CNTNAP2: variants seen among roughly 807,000 people sequenced by gnomAD.
The protein encoded by CNTNAP2 is contactin associated protein 2.
In CNTNAP2, 98 loss-of-function variants were observed where a neutral mutation model predicts 155.2. That is an observed-to-expected ratio of 0.63 (90% confidence interval 0.54 to 0.75). The LOEUF (loss-of-function observed/expected upper bound fraction) is 0.75, where lower values mean the gene tolerates loss of function less well. CNTNAP2 is among the 30% of genes least tolerant of loss of function. CNTNAP2 has a pLI of 0.00. For missense variants in CNTNAP2, 1,727 were observed against 1,688.1 expected, an observed-to-expected ratio of 1.02 and a Z score of -0.40; for synonymous variants, 651 against 631.2, an observed-to-expected ratio of 1.03 and a Z score of -0.47.
intron 21 of CNTNAP2, among the ~76,000 whole-genome samples, chr7:148,315,785 T>C (rs974844046): frequency 2.6e-5 from 4 of 152,232 alleles, no homozygotes; most frequent in Non-Finnish European, 5.9e-5. Flanking sequence ...TTTTCATAAA[T>C]GTGCTTGGGT....
chr7:147,014,423 A>C (rs1798682668), intron 3 of CNTNAP2, among the ~76,000 whole-genome samples: 3 of 152,168 alleles, frequency 2.0e-5, no homozygotes, highest in Non-Finnish European at 4.4e-5. Flanking sequence ...ACGTTTTATC[A>C]GTAACCATGG....
rs536735380 is a variant in CNTNAP2, at chr7:146,871,113, C to G, written c.402+31209C>G. On this transcript the variant is annotated intron_variant, in intron 3 of 23. Coordinates refer to ENST00000361727, the MANE Select transcript of CNTNAP2 (RefSeq NM_014141.6). ...CAATGGGACACATCTACCAGCAAAG[C>G]ATTTCAGGAGTGATTTTATGTATAT... 1.8e-4 allele frequency among the ~76,000 whole-genome samples: 28 copies of G among 152,312 alleles called. No homozygotes were observed. The South Asian group carries it at 5.6e-3, about 30-fold the overall frequency.
chr7:146,271,797 A>G (rs1800086588), intron 1 of CNTNAP2, among the ~76,000 whole-genome samples: 1 of 152,104 alleles, frequency 6.6e-6, no homozygotes, highest in African/African-American at 2.4e-5. Flanking sequence ...AACCATGTTT[A>G]TTCAGATTTA....
rs73741710 is a variant in CNTNAP2 at position 146,479,331 on chromosome 7, G to A, written c.98-294940G>A. On this transcript the variant is annotated intron_variant, in intron 1 of 23. Transcript: ENST00000361727. ...ATAAACACATCTCTTAAATTCATCA[G>A]GAAAAAGGTTTAGTGGAGGCAGTTC... is the stretch of plus-strand genomic sequence containing the variant. 8.1e-3 allele frequency among the ~76,000 whole-genome samples: 1,228 copies of A among 152,146 alleles called. 20 individuals are homozygous for A. Among genetic ancestry groups the A allele is most frequent in the African/African-American group, 0.028 (1,153 of 41,514 alleles).
chr7:146,159,305 A>G (rs4427084), intron 1 of CNTNAP2, among the ~76,000 whole-genome samples: 42,354 of 151,950 alleles, frequency 0.28, 6,543 homozygotes, highest in African/African-American at 0.42. Context: ...TGTAAAGACC[A>G]TCAATGCTAG....
chr7:147,047,606 T>G (rs1359894249), intron 4 of CNTNAP2, among the ~76,000 whole-genome samples: 1 of 152,218 alleles, frequency 6.6e-6, no homozygotes, highest in Non-Finnish European at 1.5e-5. Flanking sequence ...AGGTGACATT[T>G]TTTTAACAAT....
chr7:147,018,898 C>T (rs1024677), intron 3 of CNTNAP2, among the ~76,000 whole-genome samples: 1 of 151,912 alleles, frequency 6.6e-6, no homozygotes, highest in African/African-American at 2.4e-5. Flanking sequence ...CAATTAAGGG[C>T]AGAATCAGAA....
intron 3 of CNTNAP2, among the ~76,000 whole-genome samples, chr7:146,913,224 T>G (rs942258689): frequency 6.6e-6 from 1 of 152,100 alleles, no homozygotes; most frequent in African/African-American, 2.4e-5. Flanking sequence ...TACTAGTAGT[T>G]GGCCAGGTTA....
At chr7:147,439,770 G>A (rs1420770017) in intron 10 of CNTNAP2, among the ~76,000 whole-genome samples, 1 of 151,786 alleles carries the variant, frequency 6.6e-6, no homozygotes, top group Admixed American at 6.6e-5. Flanking sequence ...TCCAATGTTG[G>A]GTGCATATAT....
intron 4 of CNTNAP2, among the ~76,000 whole-genome samples, chr7:147,072,683 C>G (rs144019734): frequency 8.3e-4 from 127 of 152,134 alleles, no homozygotes; most frequent in Admixed American, 2.5e-3. Context: ...GGAAATGCCT[C>G]CCATGTGTCA....
intron 14 of CNTNAP2, among the ~76,000 whole-genome samples, chr7:147,917,090 A>G (rs73462159): frequency 0.025 from 3,745 of 152,292 alleles, 166 homozygotes; most frequent in African/African-American, 0.086. Flanking sequence ...ATCTTCCAAA[A>G]TAACTTCCAG....
At chr7:146,517,576 A>T (rs1363515000) in intron 1 of CNTNAP2, among the ~76,000 whole-genome samples, 1 of 151,966 alleles carries the variant, frequency 6.6e-6, no homozygotes, top group Non-Finnish European at 1.5e-5. Flanking sequence ...GGAGAGACTC[A>T]GGGACTTGTT....
intron 2 of CNTNAP2, among the ~76,000 whole-genome samples, chr7:146,795,544 A>G (rs576083697): frequency 1.3e-5 from 2 of 152,334 alleles, no homozygotes; most frequent in South Asian, 4.1e-4. Context: ...CTCAGATCCC[A>G]CAGGGAAGCT....
rs1800051537 is a variant in CNTNAP2 at position 148,418,856 on chromosome 7, A to G, written c.*3240A>G. 1.3e-5 allele frequency: 2 copies of G among 152,236 alleles called. No individual in the cohort carries two copies. The highest frequency in any genetic ancestry group is 4.8e-5 in the African/African-American group (2 of 41,470). 9.4% of individuals were successfully genotyped at this position (152,236 alleles called of 1,614,324 possible). A position where few individuals can be genotyped will look rare whatever the true frequency, so the allele number is the denominator to read the frequency against. ...TTTGACAAACAAGCATCCTTTACTAACAAGAGCAGGAATTCAGAGGCACAA... is the reference window on the plus strand; with the variant it reads ...TTTGACAAACAAGCATCCTTTACTAGCAAGAGCAGGAATTCAGAGGCACAA... On this transcript the variant is annotated 3_prime_UTR_variant, in exon 24 of 24. Transcript: ENST00000361727.
chr7:147,893,960 C>T (rs111971289), intron 13 of CNTNAP2, among the ~76,000 whole-genome samples: 2,608 of 152,268 alleles, frequency 0.017, 76 homozygotes, highest in African/African-American at 0.057. Flanking sequence ...TGGAAGCGTA[C>T]ACATCCATAC....
At chr7:146,881,790 C>G (rs1348064149) in intron 3 of CNTNAP2, among the ~76,000 whole-genome samples, 1 of 109,070 alleles carries the variant, frequency 9.2e-6, no homozygotes, top group Non-Finnish European at 1.9e-5. Flanking sequence ...AATATAAAAA[C>G]ACATTATCTT....
At chr7:146,976,685 C>A (rs1797918029) in intron 3 of CNTNAP2, among the ~76,000 whole-genome samples, 1 of 152,126 alleles carries the variant, frequency 6.6e-6, no homozygotes, top group South Asian at 2.1e-4. Flanking sequence ...CTCTTCGAAC[C>A]CTGTCCTCTT....
intron 1 of CNTNAP2, among the ~76,000 whole-genome samples, chr7:146,146,401 A>C (rs2116766324): frequency 6.6e-6 from 1 of 152,288 alleles, no homozygotes; most frequent in South Asian, 2.1e-4. Context: ...AGATAAACAC[A>C]CACATAACTG....
intron 14 of CNTNAP2, among the ~76,000 whole-genome samples, chr7:147,925,627 A>C (rs1800383846): frequency 6.6e-6 from 1 of 151,776 alleles, no homozygotes; most frequent in Non-Finnish European, 1.5e-5. Context: ...CCACTCGGCT[A>C]ATTTTTTGTA....
Sources: allele counts gnomAD v4.1 joint callset (sites outside exome capture counted in the v4.1 genomes callset), GRCh38; gene constraint gnomAD v4.1.1; transcripts MANE v1.5; gene names NCBI Gene and HGNC (gene_info 2026-07-23, HGNC 2026-07-21).